The following SLCO1A2 variants were observed in gnomAD, a reference collection of about 807,000 sequenced individuals.
SLCO1A2 encodes solute carrier organic anion transporter family member 1A2.
Under a neutral mutation model 69.0 loss-of-function variants are expected in SLCO1A2, and 67 were observed. The observed-to-expected ratio is 0.97, with a 90% CI of 0.80 to 1.19. The LOEUF is 1.19. Ranked by LOEUF, SLCO1A2 falls within the 50% of genes most tolerant of loss-of-function variation. SLCO1A2 has a pLI of 0.00. For synonymous variants in SLCO1A2, 260 were observed against 265.9 expected, an observed-to-expected ratio of 0.98 and a Z score of 0.22; for missense variants, 787 against 793.7, an observed-to-expected ratio of 0.99 and a Z score of 0.10.
intron 1 of SLCO1A2, among the ~76,000 whole-genome samples, chr12:21,388,712 G>GGTACAT (rs1352214996): frequency 6.6e-6 from 1 of 151,918 alleles, no homozygotes; most frequent in African/African-American, 2.4e-5. Flanking sequence ...AGGGTACTGT[G>GGTACAT]GCATTGACCA....
chr12:21,334,564 T>G, intron 2 of SLCO1A2, 24 bp downstream of exon 2: 1 of 1,571,614 alleles, frequency 6.4e-7, no homozygotes, highest in Non-Finnish European at 8.7e-7. Context: ...CATGCACATA[T>G]ATCCACATAC....
At chr12:21,313,377 T>G (rs1410862675) in intron 4 of SLCO1A2, among the ~76,000 whole-genome samples, 2 of 152,178 alleles carry the variant, frequency 1.3e-5, no homozygotes, top group Non-Finnish European at 2.9e-5. Context: ...TAAAGCAGGG[T>G]ATGCCAGGAT....
chr12:21,319,335 T>TA, intron 2 of SLCO1A2: 1 of 1,367,778 alleles, frequency 7.3e-7, no homozygotes, highest in East Asian at 4.5e-5. Flanking sequence ...CAAATATACT[T>TA]AAGTTCTCTC....
chr12:21,294,117 T>C lies in SLCO1A2; in HGVS notation c.1272-7A>G. The C allele has an allele frequency of 6.4e-7, 1 of 1,573,036 alleles. No individual in the cohort carries two copies. Among genetic ancestry groups the C allele is most frequent in the South Asian group, 1.2e-5 (1 of 85,086 alleles). On this transcript the variant is annotated splice_polypyrimidine_tract_variant and splice_region_variant and intron_variant, in intron 10 of 14. Transcript: ENST00000683939. Reference sequence around the variant, plus strand: ...ATATAAATCTTGTGGAATTCTGAAGTGATTTAAAATAATGCCATAGATATT... The same window carrying C: ...ATATAAATCTTGTGGAATTCTGAAGCGATTTAAAATAATGCCATAGATATT...
At chr12:21,292,462 T>G (rs1351883025) in intron 11 of SLCO1A2, 126 bp from the exon 12 acceptor site, 12 of 626,364 alleles carry the variant, frequency 1.9e-5, no homozygotes, top group African/African-American at 5.5e-5. Context: ...TCCATTATGA[T>G]GTCTCTCAAG....
At chr12:21,418,121 A>C (rs150742063), upstream of SLCO1A2, 30 of 152,326 alleles carry the variant, frequency 2.0e-4, no homozygotes, top group African/African-American at 6.7e-4. Flanking sequence ...CTTAGGCCAG[A>C]GGCAACAAAG....
Position 21,269,687 on chromosome 12 carries a change from T to C in SLCO1A2, c.1874A>G (p.Lys625Arg), listed in dbSNP as rs1355142364. 2 of 1,612,644 alleles carry C rather than the reference T, an allele frequency of 1.2e-6. No individual in the cohort carries two copies. Among genetic ancestry groups the C allele is most frequent in the South Asian group, 1.1e-5 (1 of 91,032 alleles). Residue 625 changes from lysine to arginine, a missense_variant, in exon 15 of 15, where the codon AAG (lysine) becomes AGG (arginine). Transcript: ENST00000683939. ...PALIILILLR[K>R]CHLPGENASS... ...GGCATTTTCACCAGGTAGATGACAC[T>C]TCCTCAAAAGAATTAAGATGATTAA...
chr12:21,326,638 TAGTAAAAAG>T (rs1952258180), intron 2 of SLCO1A2, among the ~76,000 whole-genome samples: 2 of 152,180 alleles, frequency 1.3e-5, no homozygotes, highest in Admixed American at 6.5e-5. Context: ...TGCTATGCTT[TAGTAAAAAG>T]ACTGGCAGCA....
chr12:21,394,734 T>G (rs1941347994), intron 1 of SLCO1A2, among the ~76,000 whole-genome samples: 1 of 152,142 alleles, frequency 6.6e-6, no homozygotes, highest in Non-Finnish European at 1.5e-5. Flanking sequence ...TGGGGAATAG[T>G]AAATTATCCC....
At chr12:21,370,530 C>A (rs982328849) in intron 2 of SLCO1A2, among the ~76,000 whole-genome samples, 2 of 138,164 alleles carry the variant, frequency 1.4e-5, no homozygotes, top group Non-Finnish European at 3.0e-5. Context: ...CTTCCTGTGT[C>A]CATGTGTTCT....
chr12:21,317,548 T>C (rs1591835712), intron 3 of SLCO1A2, among the ~76,000 whole-genome samples: 1 of 151,376 alleles, frequency 6.6e-6, no homozygotes, highest in East Asian at 1.9e-4. Context: ...CAATTAATAC[T>C]ATTATTATCT....
At position 21,373,669 on chromosome 12, in the gene SLCO1A2, A is replaced by G. The variant is rs182577227; in HGVS notation, c.-63+730T>C. 169 of 701,288 alleles carry G rather than the reference A, an allele frequency of 2.4e-4. No homozygotes were observed. In the African/African-American group the frequency reaches 2.7e-3, roughly 11 times the overall value. 43.4% of individuals were successfully genotyped at this position (701,288 alleles called of 1,614,324 possible). On this transcript the variant is annotated intron_variant, in intron 2 of 15. Coordinates refer to the SLCO1A2 transcript ENST00000307378. ...AGGAATGGATAATTCCAGTTTTGTC[A>G]AGAAATATACTCTTGGAACTTAGAG...
chr12:21,388,208 G>A (rs1940980707), intron 1 of SLCO1A2, among the ~76,000 whole-genome samples: 1 of 152,106 alleles, frequency 6.6e-6, no homozygotes, highest in Non-Finnish European at 1.5e-5. Context: ...AGTTAATGCT[G>A]AAATGAGTTA....
intron 1 of SLCO1A2, among the ~76,000 whole-genome samples, chr12:21,391,763 C>T (rs1318635600): frequency 6.6e-6 from 1 of 151,932 alleles, no homozygotes; most frequent in Non-Finnish European, 1.5e-5. Flanking sequence ...GCAAAACACC[C>T]TCTGGTCACT....
chr12:21,318,925 T>A lies in SLCO1A2; in HGVS notation c.61-2A>T. On this transcript the variant is annotated splice_acceptor_variant, in intron 2 of 14. Coordinates refer to ENST00000683939, the MANE Select transcript of SLCO1A2 (RefSeq NM_001386879.1). LOFTEE classifies it high-confidence loss of function. ...ACATGTTATTGCCAACAGAAACATC[T>A]AGGAAAAAAATATAAGAAAACGTAG... The A allele has an allele frequency of 6.4e-7, 1 of 1,572,964 alleles. No individual in the cohort carries two copies. Among genetic ancestry groups the A allele is most frequent in the Admixed American group, 2.1e-5 (1 of 47,892 alleles).
intron 2 of SLCO1A2, among the ~76,000 whole-genome samples, chr12:21,363,270 C>G (rs1939083407): frequency 1.3e-5 from 2 of 152,278 alleles, no homozygotes; most frequent in South Asian, 4.1e-4. Flanking sequence ...TACATGGAAA[C>G]TGAACAACCT....
In SLCO1A2 at chr12:21,314,557, G is replaced by C; in HGVS notation, c.327C>G (p.Leu109=). ...GCFLKSLPHF[L]MNQYEYESTV... is the part of the protein sequence containing the mutation. ...CAGACTGGAGTACTTACTGGTTCAT[G>C]AGGAAATGAGGTAGTGATTTTAAGA... The change falls in exon 4 of 15, where the codon CTC becomes CTG. Residue 109 remains leucine (L), a synonymous_variant. Transcript: ENST00000683939. The C allele has an allele frequency of 6.2e-7, 1 of 1,613,964 alleles. No individual in the cohort carries two copies. Among genetic ancestry groups the C allele is most frequent in the Non-Finnish European group, 8.5e-7 (1 of 1,179,934 alleles).
In SLCO1A2 at chr12:21,265,210, T is replaced by C. The variant is rs1941947145; in HGVS notation, c.*4338A>G. On this transcript the variant is annotated 3_prime_UTR_variant, in exon 15 of 15. Transcript: ENST00000683939. ...TTTTCCGTAAGTTGTTTTCACCTGC[T>C]ACCATTACAGACTGGTCCAGACCTG... 1 of 152,314 alleles carries C rather than the reference T, an allele frequency of 6.6e-6. No individual in the cohort carries two copies. The highest frequency in any genetic ancestry group is 2.1e-4 in the South Asian group (1 of 4,840). The allele number at this position is 152,314 out of a possible 1,614,324, so 9.4% of individuals were successfully genotyped here. A position where few individuals can be genotyped will look rare whatever the true frequency, so the allele number is the denominator to read the frequency against.
Position 21,292,257 on chromosome 12 carries a change from C to G in SLCO1A2, c.1517G>C (p.Cys506Ser). The change falls in exon 12 of 15, where the codon TGT becomes TCT. Residue 506 changes from cysteine to serine, a missense_variant. Transcript: ENST00000683939. ...VLGLCDKGPD[C>S]SLMLQYFLIL... ...TAGGAAGTACTGGAGCATCAAGGAA[C>G]AGTCAGGTCCTTTGTCGCACAGCCC... 1 of 1,612,766 alleles carries G rather than the reference C, an allele frequency of 6.2e-7. No homozygotes were observed. Among genetic ancestry groups the G allele is most frequent in the Non-Finnish European group, 8.5e-7 (1 of 1,178,946 alleles).
Sources: gnomAD v4.1 joint callset for allele counts (sites outside exome capture counted in the v4.1 genomes callset) on GRCh38, gnomAD v4.1.1 for gene constraint, MANE v1.5 for transcripts, NCBI Gene and HGNC (gene_info 2026-07-23, HGNC 2026-07-21) for gene names.